The following CHST15 variants were observed in gnomAD, a reference collection of about 807,000 sequenced individuals.
The protein encoded by CHST15 is carbohydrate sulfotransferase 15, also known as B cell RAG associated protein (GALNAC4S-6ST).
CHST15 carries 30 observed loss-of-function variants against 53.6 expected under a neutral mutation model. The observed-to-expected ratio is 0.56, with a 90% CI of 0.42 to 0.76. CHST15 has a LOEUF of 0.76. CHST15 is among the 30% of genes least tolerant of loss of function. The pLI, the probability that CHST15 is intolerant of heterozygous loss-of-function variation, is 0.00. For synonymous variants in CHST15, 296 were observed against 289.8 expected, an observed-to-expected ratio of 1.02 and a Z score of -0.22; for missense variants, 627 against 740.5, an observed-to-expected ratio of 0.85 and a Z score of 1.78.
intron 6 of CHST15, 75 bp from the exon 7 acceptor site, chr10:124,012,555 T>C (rs1452184001): frequency 6.7e-7 from 1 of 1,490,062 alleles, no homozygotes; most frequent in South Asian, 1.3e-5. Context: ...CAAAGTGGTA[T>C]GGCATTTCAC....
chr10:124,026,608 C>T (rs994192308), intron 5 of CHST15, among the ~76,000 whole-genome samples: 6 of 152,180 alleles, frequency 3.9e-5, no homozygotes, highest in Admixed American at 6.5e-5. Context: ...ACACAGCTCA[C>T]GATCAATCAT....
chr10:124,024,089 C>T lies in CHST15; in HGVS notation c.1191-2677G>A, dbSNP rs1298704070. ...CGAACTCCAGACCTCAGGTGATCCA[C>T]CCACCTCAGCCTCCCAAAGTGCTGG... On this transcript the variant is annotated intron_variant, in intron 5 of 7. Transcript: ENST00000435907. The surrounding 1 kb of genome is among the most constrained non-coding windows in gnomAD (Gnocchi z 4.0). 6.6e-6 allele frequency among the ~76,000 whole-genome samples: 1 copy of T among 152,180 alleles called. No homozygotes were observed. Among genetic ancestry groups the T allele is most frequent in the African/African-American group, 2.4e-5 (1 of 41,444 alleles).
Position 124,044,728 on chromosome 10 carries a change from C to T in CHST15, c.738G>A (p.Lys246=), listed in dbSNP as rs370919740. The change falls in exon 3 of 8, where the codon AAG becomes AAA. Residue 246 remains lysine, a synonymous_variant. Coordinates refer to ENST00000435907, the MANE Select transcript of CHST15 (RefSeq NM_001270764.2). ...FWGHLAHAHG[K]HFRLRCLPHF... is the part of the protein sequence containing the mutation. ...GCGGCAGGCAGCGCAGGCGGAAGTG[C>T]TTCCCGTGCGCGTGCGCCAGGTGGC... 7.1e-5 allele frequency: 115 copies of T among 1,613,586 alleles called. No individual in the cohort carries two copies. The highest frequency in any genetic ancestry group is 1.6e-4 in the Middle Eastern group (1 of 6,082).
At position 124,045,421 on chromosome 10, in the gene CHST15, C is replaced by T. The variant is rs1038456949; in HGVS notation, c.546+246G>A. On this transcript the variant is annotated intron_variant, in intron 2 of 7. Coordinates refer to ENST00000435907, the MANE Select transcript of CHST15 (RefSeq NM_001270764.2). ...AAGTCCTGGAATGCAATAATGAGAG[C>T]CAGCGGCCCTTGAACATGCCTAGCC... is the stretch of plus-strand genomic sequence containing the variant. Among the ~76,000 whole-genome samples the T allele has an allele frequency of 3.3e-5, 5 of 152,172 alleles. No homozygotes were observed. The East Asian group carries it at 7.7e-4, about 23-fold the overall frequency.
chr10:124,021,243 G>GT lies in CHST15; in HGVS notation c.1347+12_1347+13insA, dbSNP rs773035786. The GT allele has an allele frequency of 2.6e-6, 4 of 1,541,848 alleles. No homozygotes were observed. The highest frequency in any genetic ancestry group is 1.2e-5 in the South Asian group (1 of 86,496). On this transcript the variant is annotated intron_variant, in intron 6 of 7. Coordinates refer to ENST00000435907, the MANE Select transcript of CHST15 (RefSeq NM_001270764.2). ...GGGCCAGCTCGGGGGGTACGGGGGG[G>GT]GGGGGTACACACAGGCATGGCGTTG...
intron 2 of CHST15, 54 bp from the exon 3 acceptor site, chr10:124,044,973 A>G: frequency 1.6e-6 from 2 of 1,275,516 alleles, no homozygotes; most frequent in Non-Finnish European, 2.1e-6. Flanking sequence ...GAGCAAAGAC[A>G]CAATCTAACC....
chr10:124,017,509 T>C (rs1473531084), intron 6 of CHST15, among the ~76,000 whole-genome samples: 1 of 88,466 alleles, frequency 1.1e-5, no homozygotes, highest in Non-Finnish European at 2.8e-5. Flanking sequence ...AAAGGCACAA[T>C]GTGGTAGAAA....
chr10:124,037,604 C>T (rs1248497503), intron 5 of CHST15, among the ~76,000 whole-genome samples: 1 of 152,122 alleles, frequency 6.6e-6, no homozygotes, highest in Non-Finnish European at 1.5e-5. Flanking sequence ...GTCCTGGCAG[C>T]CCTGAGATTC....
intron 1 of CHST15, among the ~76,000 whole-genome samples, chr10:124,076,304 T>C (rs1009864651): frequency 1.3e-5 from 2 of 152,246 alleles, no homozygotes; most frequent in African/African-American, 4.8e-5. Flanking sequence ...TTAGAGAATG[T>C]TGGTCCTTGT....
chr10:124,079,756 G>T (rs923993148), intron 1 of CHST15, among the ~76,000 whole-genome samples: 1 of 152,188 alleles, frequency 6.6e-6, no homozygotes, highest in African/African-American at 2.4e-5. Flanking sequence ...CCTGAGCAAG[G>T]GCCAGGTCTC....
intron 6 of CHST15, among the ~76,000 whole-genome samples, chr10:124,013,647 T>G (rs1946488927): frequency 1.3e-5 from 2 of 152,226 alleles, no homozygotes; most frequent in Admixed American, 6.5e-5. Context: ...TTGCAACTGG[T>G]GTCAGAAGTG....
At chr10:124,093,037 C>T (rs1202074914) in intron 1 of CHST15, among the ~76,000 whole-genome samples, 1 of 152,088 alleles carries the variant, frequency 6.6e-6, no homozygotes, top group Non-Finnish European at 1.5e-5. Context: ...GCCGCGTCCT[C>T]TCTGCGAGGG....
At chr10:124,066,254 C>T (rs1438504959) in intron 1 of CHST15, among the ~76,000 whole-genome samples, 6 of 152,094 alleles carry the variant, frequency 3.9e-5, no homozygotes, top group South Asian at 2.1e-4. Flanking sequence ...CTTTGAGCGT[C>T]GACCAGCTAG....
rs962377210 is a variant in CHST15 at position 124,036,636 on chromosome 10, A to G, written c.1190+1879T>C. ...CAATGCAAAGTGAAAGAAGCAGGAC[A>G]TAAGACTGTCCTGTCACACCCATGT... On this transcript the variant is annotated intron_variant, in intron 5 of 7. Coordinates refer to ENST00000435907, the MANE Select transcript of CHST15 (RefSeq NM_001270764.2). The surrounding 1 kb of genome is among the most constrained non-coding windows in gnomAD (Gnocchi z 5.1). Among the ~76,000 whole-genome samples the G allele has an allele frequency of 1.3e-5, 2 of 151,462 alleles. No individual in the cohort carries two copies. Among genetic ancestry groups the G allele is most frequent in the African/African-American group, 2.4e-5 (1 of 40,960 alleles).
intron 1 of CHST15, among the ~76,000 whole-genome samples, chr10:124,064,934 C>T (rs4929821): frequency 0.69 from 104,956 of 152,008 alleles, 36,599 homozygotes; most frequent in African/African-American, 0.78. Flanking sequence ...GCTGACAGTC[C>T]TATCAGCTCT....
intron 2 of CHST15, among the ~76,000 whole-genome samples, chr10:124,045,131 A>ACAAAC (rs1490936650): frequency 5.4e-5 from 6 of 111,768 alleles, no homozygotes; most frequent in African/African-American, 2.0e-4. Flanking sequence ...AAAAAAAAAA[A>ACAAAC]AAAAAAAAAA....
chr10:124,058,508 G>A (rs752856912), intron 1 of CHST15, among the ~76,000 whole-genome samples: 5 of 152,326 alleles, frequency 3.3e-5, no homozygotes, highest in African/African-American at 1.2e-4. Context: ...GCTGGTCTGT[G>A]TGGCTGCAAA....
chr10:124,045,134 A>AAACAAAAAC (rs1564882339), intron 2 of CHST15, among the ~76,000 whole-genome samples: 13 of 147,448 alleles, frequency 8.8e-5, no homozygotes, highest in African/African-American at 3.4e-4. Flanking sequence ...AAAAAAAAAA[A>AAACAAAAAC]AAAAAAAAAA....
intron 6 of CHST15, 71 bp downstream of exon 6, chr10:124,021,185 G>A: frequency 7.5e-7 from 1 of 1,333,390 alleles, no homozygotes; most frequent in Non-Finnish European, 9.8e-7. Context: ...AATGCCGCTT[G>A]CATAATAACA....
Sources: gnomAD v4.1 joint callset for allele counts (sites outside exome capture counted in the v4.1 genomes callset) on GRCh38, gnomAD v4.1.1 for gene constraint, Gnocchi (gnomAD v3.1) non-coding constraint, MANE v1.5 for transcripts, NCBI Gene and HGNC (gene_info 2026-07-23, HGNC 2026-07-21) for gene names.